Variants in SYNJ2BP observed in about 807,000 individuals in gnomAD.
SYNJ2BP encodes the protein synaptojanin 2 binding protein.
A neutral mutation model predicts 16.9 loss-of-function variants in SYNJ2BP; 10 were observed. The ratio of observed to expected loss-of-function variants is 0.59; its 90% CI spans 0.36 to 1.00. The LOEUF is 1.00. SYNJ2BP is among the 50% of genes least tolerant of loss of function. The probability of loss-of-function intolerance (pLI) is 0.01; values close to 1 mark genes in which losing one functional copy is unlikely to be tolerated. For synonymous variants in SYNJ2BP, 54 were observed against 68.4 expected (o/e 0.79, Z 1.04); for missense variants, 162 against 186.7 (o/e 0.87, Z 0.77).
chr14:70,387,910 G>A (rs1887895315), intron 2 of SYNJ2BP, among the ~76,000 whole-genome samples: 2 of 151,032 alleles, frequency 1.3e-5, no homozygotes, highest in South Asian at 4.2e-4. Flanking sequence ...TTACCATGTA[G>A]TATGTCTTCG....
intron 1 of SYNJ2BP, among the ~76,000 whole-genome samples, chr14:70,406,265 T>C (rs1248428325): frequency 2.0e-5 from 3 of 152,198 alleles, no homozygotes; most frequent in Non-Finnish European, 4.4e-5. Flanking sequence ...AAAATGCTTA[T>C]GAAACTGCCT....
intron 1 of SYNJ2BP, among the ~76,000 whole-genome samples, chr14:70,399,490 C>T (rs931441671): frequency 6.6e-6 from 1 of 152,200 alleles, no homozygotes; most frequent in Non-Finnish European, 1.5e-5. Context: ...ACAGAGGCTC[C>T]GGACCTGGGG....
intron 2 of SYNJ2BP, among the ~76,000 whole-genome samples, chr14:70,387,288 C>T (rs958390116): frequency 2.6e-5 from 4 of 152,174 alleles, no homozygotes; most frequent in African/African-American, 9.7e-5. Context: ...ACTATACTCC[C>T]TTATCCCCCA....
intron 2 of SYNJ2BP, among the ~76,000 whole-genome samples, chr14:70,383,437 A>C (rs7146493): frequency 6.6e-6 from 1 of 152,084 alleles, no homozygotes; most frequent in Admixed American, 6.5e-5. Flanking sequence ...TTGATGACTA[A>C]CCAACTCTTT....
At chr14:70,400,401 C>T (rs1333178943) in intron 1 of SYNJ2BP, among the ~76,000 whole-genome samples, 1 of 152,134 alleles carries the variant, frequency 6.6e-6, no homozygotes, top group South Asian at 2.1e-4. Context: ...CAAAATATAA[C>T]CTGAAGAAGA....
chr14:70,380,418 G>A (rs1171250334), intron 2 of SYNJ2BP, among the ~76,000 whole-genome samples: 1 of 152,078 alleles, frequency 6.6e-6, no homozygotes, highest in Non-Finnish European at 1.5e-5. Flanking sequence ...AATCCCAACA[G>A]TTTGGGAGGC....
intron 2 of SYNJ2BP, among the ~76,000 whole-genome samples, chr14:70,376,574 T>C (rs906433493): frequency 6.6e-6 from 1 of 152,270 alleles, no homozygotes; most frequent in South Asian, 2.1e-4. Context: ...TACTTGTCAA[T>C]GTCATCGTTA....
Position 70,372,929 on chromosome 14 carries a change from A to G in SYNJ2BP, c.*62T>C. ...GAGAGAGGGAAAGACATGGCAGAATAGCAGGGGTGGAGGGTGAGTGAAATG... is the reference window on the plus strand; with the variant it reads ...GAGAGAGGGAAAGACATGGCAGAATGGCAGGGGTGGAGGGTGAGTGAAATG... On this transcript the variant is annotated 3_prime_UTR_variant, in exon 4 of 4. Transcript: ENST00000256366. 2 of 1,597,240 alleles carry G rather than the reference A, an allele frequency of 1.3e-6. No individual in the cohort carries two copies. The highest frequency in any genetic ancestry group is 2.7e-5 in the African/African-American group (2 of 74,884).
chr14:70,373,400 T>C (rs535489134), intron 3 of SYNJ2BP, among the ~76,000 whole-genome samples: 155 of 152,326 alleles, frequency 1.0e-3, no homozygotes, highest in African/African-American at 3.5e-3. Flanking sequence ...TTTCTGTTTC[T>C]GTACTGCCTC....
At chr14:70,398,610 G>A (rs902020768) in intron 1 of SYNJ2BP, among the ~76,000 whole-genome samples, 1 of 152,174 alleles carries the variant, frequency 6.6e-6, no homozygotes, top group African/African-American at 2.4e-5. Context: ...AGCAGGGAGA[G>A]GCCAGGCAGC....
chr14:70,367,357 T>C lies in SYNJ2BP; in HGVS notation c.*5634A>G, dbSNP rs1425117134. ...GATGGGTGGATCACGAGGTCAGGAA[T>C]TCAAGACCAGCCTGGCCAAGATGCT... is the stretch of plus-strand genomic sequence containing the variant. On this transcript the variant is annotated 3_prime_UTR_variant, in exon 4 of 4. Transcript: ENST00000256366. 1 of 151,916 alleles carries C rather than the reference T, an allele frequency of 6.6e-6. No homozygotes were observed. Among genetic ancestry groups the C allele is most frequent in the African/African-American group, 2.4e-5 (1 of 41,356 alleles). The allele number at this position is 151,916 out of a possible 1,614,324, so 9.4% of individuals were successfully genotyped here.
intron 1 of SYNJ2BP, among the ~76,000 whole-genome samples, chr14:70,397,473 G>C (rs1020993554): frequency 1.3e-5 from 2 of 152,158 alleles, no homozygotes; most frequent in African/African-American, 4.8e-5. Flanking sequence ...TTTGTTATGG[G>C]AACTTTGGGG....
At chr14:70,409,125 A>G (rs997456163) in intron 1 of SYNJ2BP, among the ~76,000 whole-genome samples, 2 of 152,198 alleles carry the variant, frequency 1.3e-5, no homozygotes, top group African/African-American at 4.8e-5. Flanking sequence ...TATGTTGCCC[A>G]GGCTGGTCTT....
At chr14:70,406,067 A>C (rs1594959593) in intron 1 of SYNJ2BP, among the ~76,000 whole-genome samples, 1 of 152,188 alleles carries the variant, frequency 6.6e-6, no homozygotes, top group Non-Finnish European at 1.5e-5. Context: ...ACCCTTTTCC[A>C]AAAGGAACCC....
Position 70,416,823 on chromosome 14 carries a change from T to C in SYNJ2BP, c.64+77A>G, listed in dbSNP as rs1351628430. ...CCTGCCCGCCCCGAGGCCAGGTGAATCCGGCTCAGCAGCAGAGGTGTCTGC... is the reference window on the plus strand; with the variant it reads ...CCTGCCCGCCCCGAGGCCAGGTGAACCCGGCTCAGCAGCAGAGGTGTCTGC... On this transcript the variant is annotated intron_variant, in intron 1 of 3. Transcript: ENST00000256366. 15 of 1,606,736 alleles carry C rather than the reference T, an allele frequency of 9.3e-6. No individual in the cohort carries two copies. The East Asian group carries it at 2.5e-4, about 26-fold the overall frequency.
intron 1 of SYNJ2BP, among the ~76,000 whole-genome samples, chr14:70,401,414 AT>A (rs1415615422): frequency 5.3e-5 from 8 of 149,868 alleles, no homozygotes; most frequent in Non-Finnish European, 5.9e-5. Context: ...TGGGCAATGT[AT>A]TTTTTTTTAA....
intron 2 of SYNJ2BP, among the ~76,000 whole-genome samples, chr14:70,379,285 A>T (rs1887697702): frequency 6.6e-6 from 1 of 152,130 alleles, no homozygotes; most frequent in Non-Finnish European, 1.5e-5. Context: ...CAAAAACAAA[A>T]CTGGGGAGCA....
At chr14:70,407,534 C>CA (rs11335413) in intron 1 of SYNJ2BP, among the ~76,000 whole-genome samples, 3 of 151,688 alleles carry the variant, frequency 2.0e-5, no homozygotes, top group Middle Eastern at 3.4e-3. Context: ...GTTAATTAAG[C>CA]AAAAAAAAAA....
At chr14:70,391,827 T>A (rs887812657) in intron 1 of SYNJ2BP, among the ~76,000 whole-genome samples, 1 of 152,236 alleles carries the variant, frequency 6.6e-6, no homozygotes, top group Non-Finnish European at 1.5e-5. Context: ...TAGGTACATT[T>A]ATAACCCGTT....
Sources: allele counts gnomAD v4.1 joint callset (sites outside exome capture counted in the v4.1 genomes callset), GRCh38; gene constraint gnomAD v4.1.1; transcripts MANE v1.5; gene names NCBI Gene and HGNC (gene_info 2026-07-23, HGNC 2026-07-21).